The following PPP6R3 variants were observed in gnomAD, a reference collection of about 807,000 sequenced individuals.
PPP6R3 encodes the protein protein phosphatase 6 regulatory subunit 3.
Under a neutral mutation model 110.7 loss-of-function variants are expected in PPP6R3, and 38 were observed. The ratio of observed to expected loss-of-function variants is 0.34; its 90% CI spans 0.26 to 0.45. PPP6R3 has a LOEUF of 0.45. PPP6R3 is among the 20% of genes least tolerant of loss of function. PPP6R3 has a pLI of 1.00. For missense variants in PPP6R3, 870 were observed against 1,062.4 expected, an observed-to-expected ratio of 0.82 and a Z score of 2.52; for synonymous variants, 369 against 373.5, an observed-to-expected ratio of 0.99 and a Z score of 0.14.
chr11:68,520,706 C>T (rs549282264), intron 2 of PPP6R3, among the ~76,000 whole-genome samples: 3 of 152,280 alleles, frequency 2.0e-5, no homozygotes, highest in East Asian at 3.9e-4. Flanking sequence ...CGGATGAATC[C>T]CATGTGGAGA....
At chr11:68,534,798 A>G (rs749926610) in intron 2 of PPP6R3, among the ~76,000 whole-genome samples, 6 of 152,200 alleles carry the variant, frequency 3.9e-5, no homozygotes, top group Non-Finnish European at 8.8e-5. Flanking sequence ...AAGAACGTAG[A>G]GGTGCATGAG....
intron 1 of PPP6R3, among the ~76,000 whole-genome samples, chr11:68,517,689 GA>G (rs1333604236): frequency 2.0e-5 from 3 of 152,180 alleles, no homozygotes; most frequent in Non-Finnish European, 2.9e-5. Flanking sequence ...TATAATCCCA[GA>G]ACTTTGGGAG....
At chr11:68,592,398 A>G (rs2099598250) in intron 18 of PPP6R3, among the ~76,000 whole-genome samples, 2 of 152,226 alleles carry the variant, frequency 1.3e-5, no homozygotes, top group South Asian at 4.1e-4. Context: ...CCTAGAATTC[A>G]AAGGGAATCA....
intron 14 of PPP6R3, among the ~76,000 whole-genome samples, chr11:68,578,716 A>G (rs1052285802): frequency 2.6e-5 from 4 of 152,184 alleles, no homozygotes; most frequent in East Asian, 1.9e-4. Flanking sequence ...CCAGGCTCCT[A>G]TCACTTCTGT....
chr11:68,534,141 G>C (rs149005118), intron 2 of PPP6R3, among the ~76,000 whole-genome samples: 106 of 152,308 alleles, frequency 7.0e-4, no homozygotes, highest in African/African-American at 2.4e-3. Context: ...GCCCCAGGAA[G>C]GGGAGAGTAG....
intron 1 of PPP6R3, among the ~76,000 whole-genome samples, chr11:68,482,573 C>A (rs1565321164): frequency 6.6e-6 from 1 of 152,028 alleles, no homozygotes; most frequent in African/African-American, 2.4e-5. Context: ...TTTATGGACT[C>A]TGGCTTGGTT....
chr11:68,477,243 G>A (rs368643812), intron 1 of PPP6R3, among the ~76,000 whole-genome samples: 1 of 151,644 alleles, frequency 6.6e-6, no homozygotes, highest in East Asian at 1.9e-4. Context: ...AGTTGGTGGG[G>A]GATGGGGGTG....
chr11:68,575,017 G>C (rs1027281781), intron 13 of PPP6R3, among the ~76,000 whole-genome samples: 1 of 152,248 alleles, frequency 6.6e-6, no homozygotes, highest in Non-Finnish European at 1.5e-5. Context: ...AACCACAGTT[G>C]TCACCAGGGA....
intron 19 of PPP6R3, among the ~76,000 whole-genome samples, chr11:68,599,717 T>C (rs1168365944): frequency 2.0e-5 from 3 of 152,264 alleles, no homozygotes; most frequent in African/African-American, 7.2e-5. Flanking sequence ...CTTCCCCAAG[T>C]ATGAATACAG....
chr11:68,561,131 C>G (rs1565854084), intron 8 of PPP6R3, among the ~76,000 whole-genome samples: 1 of 152,258 alleles, frequency 6.6e-6, no homozygotes, highest in East Asian at 1.9e-4. Flanking sequence ...TTGTGATCCA[C>G]CCCCCTCGGC....
At chr11:68,603,582 T>A in intron 22 of PPP6R3, 90 bp downstream of exon 22, 1 of 1,469,674 alleles carries the variant, frequency 6.8e-7, no homozygotes, top group Non-Finnish European at 9.4e-7. Flanking sequence ...TTAATTTGAT[T>A]CAAATGAATG....
At chr11:68,516,168 G>A (rs544758061) in intron 1 of PPP6R3, among the ~76,000 whole-genome samples, 1 of 152,264 alleles carries the variant, frequency 6.6e-6, no homozygotes, top group East Asian at 1.9e-4. Flanking sequence ...AGAATTTCCT[G>A]TTCAAGACTG....
In PPP6R3 at chr11:68,614,524, T is replaced by G; in HGVS notation, c.*1407T>G. ...TTCTGAAAAATGGCCAACAATTTTT[T>G]TAGAAGTAGCATCCCAAGCAGCGTG... On this transcript the variant is annotated 3_prime_UTR_variant, in exon 24 of 24. Transcript: ENST00000393800. 1 of 1,432,116 alleles carries G rather than the reference T, an allele frequency of 7.0e-7. No individual in the cohort carries two copies. The highest frequency in any genetic ancestry group is 9.1e-7 in the Non-Finnish European group (1 of 1,095,852). The allele number at this position is 1,432,116 out of a possible 1,614,324, so 88.7% of individuals were successfully genotyped here. A position where few individuals can be genotyped will look rare whatever the true frequency, so the allele number is the denominator to read the frequency against.
At chr11:68,585,347 G>A (rs1447671496) in intron 15 of PPP6R3, among the ~76,000 whole-genome samples, 3 of 152,318 alleles carry the variant, frequency 2.0e-5, no homozygotes, top group Admixed American at 6.5e-5. Flanking sequence ...GGGCTTGCTG[G>A]TAGGCAATTA....
rs1317107309 is a variant in PPP6R3 at position 68,506,766 on chromosome 11, C to G, written c.-157-12735C>G. ...CTTTCAGCAATCTTTGTACACTTATCTCAGATAATAACCATTTGATTGCCA... is the reference window on the plus strand; with the variant it reads ...CTTTCAGCAATCTTTGTACACTTATGTCAGATAATAACCATTTGATTGCCA... On this transcript the variant is annotated intron_variant, in intron 1 of 23. Transcript: ENST00000393800. Among the ~76,000 whole-genome samples the G allele has an allele frequency of 5.9e-5, 9 of 152,176 alleles. 1 individual carries two copies. Among genetic ancestry groups the G allele is most frequent in the Admixed American group, 5.9e-4 (9 of 15,274 alleles).
intron 3 of PPP6R3, among the ~76,000 whole-genome samples, chr11:68,540,690 A>G (rs562145418): frequency 4.1e-4 from 62 of 152,020 alleles, no homozygotes; most frequent in African/African-American, 1.3e-3. Context: ...GACCACACCC[A>G]GGGGGGCCAG....
intron 4 of PPP6R3, 99 bp from the exon 5 acceptor site, chr11:68,547,968 T>C: frequency 8.1e-7 from 1 of 1,231,222 alleles, no homozygotes. Context: ...CAACCTAAAG[T>C]AGTGGTAGAA....
chr11:68,497,895 G>A lies in PPP6R3; in HGVS notation c.-157-21606G>A, dbSNP rs115202463. Among the ~76,000 whole-genome samples, 1,038 of 152,094 alleles carry A rather than the reference G, an allele frequency of 6.8e-3. 3 individuals carry two copies. Among genetic ancestry groups the A allele is most frequent in the Middle Eastern group, 0.014 (4 of 294 alleles). On this transcript the variant is annotated intron_variant, in intron 1 of 23. Coordinates refer to ENST00000393800, the MANE Select transcript of PPP6R3 (RefSeq NM_001164161.2). ...GAGTTTTGATTGCCTCATTTTTAAT[G>A]ACTATTTCACTGGATAGATAAAAGA...
intron 12 of PPP6R3, among the ~76,000 whole-genome samples, chr11:68,572,989 A>G (rs2099513631): frequency 1.3e-5 from 2 of 150,710 alleles, no homozygotes; most frequent in African/African-American, 4.9e-5. Context: ...TCTCTCTCTA[A>G]GCAAAAATCT....
Sources: gnomAD v4.1 joint callset for allele counts (sites outside exome capture counted in the v4.1 genomes callset) on GRCh38, gnomAD v4.1.1 for gene constraint, MANE v1.5 for transcripts, NCBI Gene and HGNC (gene_info 2026-07-23, HGNC 2026-07-21) for gene names.